Variants in DNAH9 observed in about 807,000 individuals in gnomAD.
DNAH9 encodes DNAH9 variant protein.
A neutral mutation model predicts 471.6 loss-of-function variants in DNAH9; 345 were observed. The ratio of observed to expected loss-of-function variants is 0.73; its 90% CI spans 0.67 to 0.80. The LOEUF (loss-of-function observed/expected upper bound fraction) is 0.80, where lower values mean the gene tolerates loss of function less well. Among genes scored for constraint, DNAH9 ranks in the 30% least tolerant of loss-of-function variants. DNAH9 has a pLI of 0.00. For missense variants in DNAH9, 5,407 were observed against 5,609.2 expected (o/e 0.96, Z 1.15); for synonymous variants, 2,093 against 2,123.6 (o/e 0.99, Z 0.40).
chr17:11,813,052 A>AT (rs1186736025), intron 45 of DNAH9, among the ~76,000 whole-genome samples: 1 of 152,166 alleles, frequency 6.6e-6, no homozygotes, highest in Non-Finnish European at 1.5e-5. Context: ...TGAGACACAG[A>AT]GTTGTCACAT....
rs2073090972 is a variant in DNAH9 at position 11,632,601 on chromosome 17, C to T, written c.1533C>T (p.Asp511=). Residue 511 remains aspartate (D), a synonymous_variant, in exon 8 of 69, where the codon GAC becomes GAT. Coordinates refer to ENST00000262442, the MANE Select transcript of DNAH9 (RefSeq NM_001372.4). ...TGTCTCTTCAGGACTTTGAAAATGA[C>T]GTCTCTGAATTTAACCAGAAAGTAG... The part of the protein sequence containing the change: ...LYLQSTDFEN[D]VSEFNQKVED... 2 of 1,582,190 alleles carry T rather than the reference C, an allele frequency of 1.3e-6. No homozygotes were observed. Among genetic ancestry groups the T allele is most frequent in the African/African-American group, 1.3e-5 (1 of 74,248 alleles).
intron 30 of DNAH9, among the ~76,000 whole-genome samples, chr17:11,742,729 C>T (rs1047743886): frequency 1.4e-4 from 21 of 152,162 alleles, no homozygotes; most frequent in African/African-American, 5.1e-4. Flanking sequence ...CCACCTAAGG[C>T]AGGAGGAAAT....
At chr17:11,810,910 G>A (rs1322579316) in intron 45 of DNAH9, among the ~76,000 whole-genome samples, 4 of 152,222 alleles carry the variant, frequency 2.6e-5, no homozygotes, top group East Asian at 1.9e-4. Flanking sequence ...TTGACAGAGA[G>A]TGTGAAGTGG....
intron 49 of DNAH9, among the ~76,000 whole-genome samples, chr17:11,836,184 A>T (rs1268092886): frequency 6.6e-6 from 1 of 152,154 alleles, no homozygotes; most frequent in Non-Finnish European, 1.5e-5. Flanking sequence ...ACTTTCTTAT[A>T]TCCTCAATTA....
At position 11,962,313 on chromosome 17, in the gene DNAH9, G is replaced by A; in HGVS notation, c.13233+57G>A. 1 of 1,516,520 alleles carries A rather than the reference G, an allele frequency of 6.6e-7. No individual in the cohort carries two copies. Among genetic ancestry groups the A allele is most frequent in the Non-Finnish European group, 8.8e-7 (1 of 1,138,294 alleles). The allele number at this position is 1,516,520 out of a possible 1,614,324, so 93.9% of individuals were successfully genotyped here. On this transcript the variant is annotated intron_variant, in intron 68 of 68. Coordinates refer to ENST00000262442, the MANE Select transcript of DNAH9 (RefSeq NM_001372.4). This position sits in a 1 kb window ranked among gnomAD's most constrained non-coding sequence, Gnocchi z 4.1. ...TCTGGGGGCTGATTAAATACACATT[G>A]CTTCCTATGAAGTGTGACTACTAAA...
rs190348170 is a variant in DNAH9 at position 11,872,447 on chromosome 17, G to A, written c.10242+661G>A. On this transcript the variant is annotated intron_variant, in intron 52 of 68. Transcript: ENST00000262442. The stretch of plus-strand genomic sequence containing the variant: ...GGGATTCAAAGCTATACTTGGACGC[G>A]AGCATCAGAAGTTCTAATATTTTCT... 2.3e-4 allele frequency among the ~76,000 whole-genome samples: 35 copies of A among 149,992 alleles called. No homozygotes were observed. The South Asian group carries it at 3.1e-3, about 13-fold the overall frequency.
chr17:11,605,139 C>A (rs991254905), intron 1 of DNAH9, among the ~76,000 whole-genome samples: 5 of 152,110 alleles, frequency 3.3e-5, no homozygotes, highest in Non-Finnish European at 7.4e-5. Context: ...ACTGGCTGTT[C>A]CTTCTCCCTG....
intron 26 of DNAH9, among the ~76,000 whole-genome samples, chr17:11,717,003 G>A (rs1023485545): frequency 2.6e-5 from 4 of 152,208 alleles, no homozygotes; most frequent in South Asian, 2.1e-4. Context: ...GTGAGGCCAC[G>A]CATAGGGCTC....
At chr17:11,733,086 T>A (rs767733813) in intron 28 of DNAH9, among the ~76,000 whole-genome samples, 25 of 152,354 alleles carry the variant, frequency 1.6e-4, no homozygotes, top group Admixed American at 4.6e-4. Flanking sequence ...GTGAGTGGGT[T>A]GCATTTCCCG....
At chr17:11,931,770 C>T (rs1273922989) in intron 63 of DNAH9, among the ~76,000 whole-genome samples, 3 of 152,132 alleles carry the variant, frequency 2.0e-5, no homozygotes, top group African/African-American at 4.8e-5. Flanking sequence ...TTAGCACATC[C>T]GTATGCATAA....
chr17:11,600,119 T>G (rs2072353962), intron 1 of DNAH9, among the ~76,000 whole-genome samples: 1 of 152,114 alleles, frequency 6.6e-6, no homozygotes, highest in African/African-American at 2.4e-5. Context: ...CTAGATCTCT[T>G]AGATATGGAG....
intron 49 of DNAH9, among the ~76,000 whole-genome samples, chr17:11,842,122 T>A (rs1391613066): frequency 6.6e-6 from 1 of 152,128 alleles, no homozygotes; most frequent in Non-Finnish European, 1.5e-5. Context: ...AATCAAATAA[T>A]TTGGGGAATT....
intron 17 of DNAH9, among the ~76,000 whole-genome samples, chr17:11,672,876 T>C (rs1330006902): frequency 6.6e-6 from 1 of 152,148 alleles, no homozygotes; most frequent in East Asian, 1.9e-4. Flanking sequence ...ACCTGTTATC[T>C]TTCCACCTCA....
intron 28 of DNAH9, among the ~76,000 whole-genome samples, chr17:11,730,700 C>A (rs1196319146): frequency 6.6e-6 from 1 of 152,080 alleles, no homozygotes; most frequent in Non-Finnish European, 1.5e-5. Context: ...TAAAGCCCTG[C>A]AGAGAATAGT....
intron 19 of DNAH9, among the ~76,000 whole-genome samples, chr17:11,685,496 G>A (rs141502572): frequency 6.6e-6 from 1 of 152,288 alleles, no homozygotes; most frequent in Non-Finnish European, 1.5e-5. Flanking sequence ...ACAGAATGGG[G>A]CAAGGTAGGC....
chr17:11,662,039 A>T (rs541248888), intron 14 of DNAH9, among the ~76,000 whole-genome samples: 1 of 152,108 alleles, frequency 6.6e-6, no homozygotes, highest in Admixed American at 6.5e-5. Context: ...TTATCTAAAA[A>T]TGTCCTTATT....
chr17:11,663,002 G>A (rs947037019), intron 14 of DNAH9, among the ~76,000 whole-genome samples: 23 of 151,608 alleles, frequency 1.5e-4, no homozygotes, highest in Non-Finnish European at 2.5e-4. Context: ...TGATCCGCCC[G>A]CCTCGGCCTC....
At chr17:11,827,174 T>G (rs1469307451) in intron 48 of DNAH9, among the ~76,000 whole-genome samples, 1 of 152,148 alleles carries the variant, frequency 6.6e-6, no homozygotes, top group African/African-American at 2.4e-5. Flanking sequence ...CCTGGATGAT[T>G]TCAACAAACT....
intron 50 of DNAH9, among the ~76,000 whole-genome samples, chr17:11,856,718 AG>A (rs1477476932): frequency 6.6e-6 from 1 of 151,728 alleles, no homozygotes; most frequent in African/African-American, 2.4e-5. Context: ...AAAAAAAAAA[AG>A]AACTTTGGCA....
Sources: allele counts gnomAD v4.1 joint callset (sites outside exome capture counted in the v4.1 genomes callset), GRCh38; gene constraint gnomAD v4.1.1; non-coding constraint Gnocchi (gnomAD v3.1); transcripts MANE v1.5; gene names NCBI Gene and HGNC (gene_info 2026-07-23, HGNC 2026-07-21).